Variants in SPAG16 observed in about 807,000 individuals in gnomAD.
SPAG16 encodes the protein sperm associated antigen 16.
SPAG16 carries 86 observed loss-of-function variants against 80.4 expected under a neutral mutation model. The observed-to-expected ratio is 1.07, with a 90% CI of 0.90 to 1.28. The LOEUF (loss-of-function observed/expected upper bound fraction) is 1.28. SPAG16 is among the 50% of genes most tolerant of loss of function. The probability of loss-of-function intolerance (pLI) is 0.00; values close to 1 mark genes in which losing one functional copy is unlikely to be tolerated. For missense variants in SPAG16, 870 were observed against 765.3 expected (o/e 1.14, Z -1.61); for synonymous variants, 294 against 265.9 (o/e 1.11, Z -1.03).
intron 15 of SPAG16, among the ~76,000 whole-genome samples, chr2:214,174,694 A>T (rs1457780079): frequency 6.6e-6 from 1 of 151,738 alleles, no homozygotes; most frequent in African/African-American, 2.4e-5. Context: ...TGTGCCATAC[A>T]TACAGTATTT....
At chr2:213,438,308 G>C (rs1399885609) in intron 9 of SPAG16, among the ~76,000 whole-genome samples, 2 of 152,148 alleles carry the variant, frequency 1.3e-5, no homozygotes, top group African/African-American at 4.8e-5. Flanking sequence ...TTTTGAAATA[G>C]ACAACAATGG....
intron 12 of SPAG16, among the ~76,000 whole-genome samples, chr2:213,955,800 T>C (rs2044089429): frequency 6.6e-6 from 1 of 152,078 alleles, no homozygotes; most frequent in Admixed American, 6.5e-5. Flanking sequence ...CACTACTTTT[T>C]TATAATCATT....
intron 12 of SPAG16, among the ~76,000 whole-genome samples, chr2:213,952,027 A>G (rs1229664934): frequency 6.6e-6 from 1 of 152,180 alleles, no homozygotes; most frequent in Non-Finnish European, 1.5e-5. Flanking sequence ...ATAAATTAAT[A>G]TATTCTAAGA....
At chr2:213,932,185 TA>T (rs2078787091) in intron 12 of SPAG16, among the ~76,000 whole-genome samples, 1 of 23,982 alleles carries the variant, frequency 4.2e-5, no homozygotes, top group Admixed American at 5.5e-4. Flanking sequence ...TATATATATA[TA>T]TATATATATA....
At chr2:214,255,346 G>A (rs189880281) in intron 15 of SPAG16, among the ~76,000 whole-genome samples, 1 of 152,012 alleles carries the variant, frequency 6.6e-6, no homozygotes, top group Non-Finnish European at 1.5e-5. Flanking sequence ...CTGGCCCTGG[G>A]ATTTTTCTAA....
At chr2:213,681,898 T>A (rs1007655508) in intron 10 of SPAG16, among the ~76,000 whole-genome samples, 1 of 152,180 alleles carries the variant, frequency 6.6e-6, no homozygotes, top group African/African-American at 2.4e-5. Flanking sequence ...AGATGTGAAG[T>A]TTTCTTTCTT....
At chr2:213,817,256 G>GATATATATATATAT (rs549146369) in intron 10 of SPAG16, among the ~76,000 whole-genome samples, 6 of 140,858 alleles carry the variant, frequency 4.3e-5, no homozygotes, top group African/African-American at 1.6e-4. Context: ...TTATATATAT[G>GATATATATATATAT]ATATATATAT....
chr2:213,631,028 G>A (rs1033048876), intron 10 of SPAG16, among the ~76,000 whole-genome samples: 8 of 152,152 alleles, frequency 5.3e-5, no homozygotes, highest in African/African-American at 1.7e-4. Context: ...AGACCTAAAC[G>A]ATCTGATGGT....
At chr2:213,437,228 T>C (rs576978840) in intron 9 of SPAG16, among the ~76,000 whole-genome samples, 3 of 152,346 alleles carry the variant, frequency 2.0e-5, no homozygotes, top group Admixed American at 1.3e-4. Context: ...TCTTTAAGCA[T>C]TGTTATGAAA....
chr2:213,754,954 C>A (rs1235880040), intron 10 of SPAG16, among the ~76,000 whole-genome samples: 3 of 152,164 alleles, frequency 2.0e-5, no homozygotes, highest in African/African-American at 7.2e-5. Context: ...TCTTTGCAAA[C>A]CTGTAATTAC....
At chr2:213,892,462 A>G (rs532256773) in intron 11 of SPAG16, among the ~76,000 whole-genome samples, 1 of 152,284 alleles carries the variant, frequency 6.6e-6, no homozygotes, top group East Asian at 1.9e-4. Context: ...CATAAAAAAC[A>G]AGGAATTAAT....
intron 10 of SPAG16, among the ~76,000 whole-genome samples, chr2:213,561,776 A>C (rs2059604572): frequency 6.6e-6 from 1 of 152,128 alleles, no homozygotes; most frequent in South Asian, 2.1e-4. Context: ...ATTTTTATCA[A>C]AAAATGCCTT....
chr2:213,520,629 A>G (rs1332386984), intron 10 of SPAG16, among the ~76,000 whole-genome samples: 1 of 152,134 alleles, frequency 6.6e-6, no homozygotes, highest in Non-Finnish European at 1.5e-5. Flanking sequence ...GTTTTAATCC[A>G]TCCAACTTGT....
intron 12 of SPAG16, among the ~76,000 whole-genome samples, chr2:214,006,385 A>T (rs990183981): frequency 6.6e-6 from 1 of 152,238 alleles, no homozygotes; most frequent in Non-Finnish European, 1.5e-5. Context: ...TTAAATAAAG[A>T]TGTATCTGAC....
chr2:214,074,319 T>C (rs1286604627), intron 13 of SPAG16, among the ~76,000 whole-genome samples: 1 of 152,214 alleles, frequency 6.6e-6, no homozygotes, highest in African/African-American at 2.4e-5. Flanking sequence ...GAGAGGTTGT[T>C]TTTATGAATG....
At chr2:214,018,183 T>G (rs973868994) in intron 13 of SPAG16, among the ~76,000 whole-genome samples, 3 of 152,106 alleles carry the variant, frequency 2.0e-5, no homozygotes, top group African/African-American at 7.2e-5. Context: ...ATCCAAAAAT[T>G]AAACAGAATC....
At chr2:213,842,175 T>C (rs889415179) in intron 10 of SPAG16, among the ~76,000 whole-genome samples, 1 of 152,176 alleles carries the variant, frequency 6.6e-6, no homozygotes, top group African/African-American at 2.4e-5. Context: ...TCACAAAGCT[T>C]TTACAATCTA....
At chr2:213,847,253 A>G (rs895836794) in intron 10 of SPAG16, among the ~76,000 whole-genome samples, 1 of 152,118 alleles carries the variant, frequency 6.6e-6, no homozygotes, top group African/African-American at 2.4e-5. Context: ...TGGCATGGAC[A>G]TTGTGTTATG....
At chr2:213,881,472 T>G (rs1039746716) in intron 11 of SPAG16, among the ~76,000 whole-genome samples, 2 of 152,226 alleles carry the variant, frequency 1.3e-5, no homozygotes, top group Non-Finnish European at 2.9e-5. Flanking sequence ...GTTTTTATAC[T>G]GCTATAAAGA....
Sources: allele counts gnomAD v4.1 joint callset (sites outside exome capture counted in the v4.1 genomes callset), GRCh38; gene constraint gnomAD v4.1.1; transcripts MANE v1.5; gene names NCBI Gene and HGNC (gene_info 2026-07-23, HGNC 2026-07-21).